Variants in ZNF160 observed in about 807,000 individuals in gnomAD.
The protein encoded by ZNF160 is zinc finger protein 160, also known as KRAB zinc finger protein KR18.
Under a neutral mutation model 13.1 loss-of-function variants are expected in ZNF160, and 9 were observed. The observed-to-expected ratio is 0.69, with a 90% confidence interval of 0.41 to 1.20. The LOEUF is 1.20. Ranked by LOEUF, ZNF160 falls within the 50% of genes most tolerant of loss-of-function variation. The pLI, the probability that ZNF160 is intolerant of heterozygous loss-of-function variation, is 0.01. For missense variants in ZNF160, 838 were observed against 988.0 expected, an observed-to-expected ratio of 0.85 and a Z score of 2.04; for synonymous variants, 293 against 333.2, an observed-to-expected ratio of 0.88 and a Z score of 1.31.
At chr19:53,088,343 G>A (rs2084917455) in intron 2 of ZNF160, among the ~76,000 whole-genome samples, 1 of 152,080 alleles carries the variant, frequency 6.6e-6, no homozygotes, top group Admixed American at 6.5e-5. Flanking sequence ...GGATGTGAAA[G>A]CTAGATTCAA....
rs200847207 is a variant in ZNF160, at chr19:53,077,760, GAT to G, written c.16-2579_16-2578del. Among the ~76,000 whole-genome samples the G allele has an allele frequency of 0.013, 1,987 of 148,348 alleles. 29 individuals are homozygous for G. The Middle Eastern group carries it at 0.16, about 12-fold the overall frequency. ...ACCACAAAGTAATACTAAAGAAGCAGATATATATATATATACATTATCAAAGA... is the reference window on the plus strand; with the variant it reads ...ACCACAAAGTAATACTAAAGAAGCAGATATATATATATACATTATCAAAGA... On this transcript the variant is annotated intron_variant, in intron 3 of 5. Coordinates refer to ENST00000683776, the MANE Select transcript of ZNF160 (RefSeq NM_001322131.2).
At chr19:53,101,912 T>G (rs1050756019) in intron 1 of ZNF160, among the ~76,000 whole-genome samples, 1 of 151,422 alleles carries the variant, frequency 6.6e-6, no homozygotes, top group African/African-American at 2.4e-5. Context: ...ACATTATAAA[T>G]AGAGAAATCA....
rs1416031075 is a variant in ZNF160 at position 53,103,396 on chromosome 19, T to C, written c.-485A>G. ...CACTCATACGCCATGGTGTGATGCTTGCTCCGCACGATCCACTTCCGGGTC... is the reference window on the plus strand; with the variant it reads ...CACTCATACGCCATGGTGTGATGCTCGCTCCGCACGATCCACTTCCGGGTC... On this transcript the variant is annotated 5_prime_UTR_variant, in exon 1 of 6. Coordinates refer to ENST00000683776, the MANE Select transcript of ZNF160 (RefSeq NM_001322131.2). The C allele has an allele frequency of 6.6e-6, 1 of 152,152 alleles. No individual in the cohort carries two copies. The highest frequency in any genetic ancestry group is 1.9e-4 in the East Asian group (1 of 5,164). The allele number at this position is 152,152 out of a possible 1,614,324, so 9.4% of individuals were successfully genotyped here.
At chr19:53,090,171 G>C (rs2084981529) in intron 2 of ZNF160, among the ~76,000 whole-genome samples, 1 of 151,252 alleles carries the variant, frequency 6.6e-6, no homozygotes, top group Non-Finnish European at 1.5e-5. Context: ...GTCCCGTCTT[G>C]CTGTCCCAGC....
In ZNF160 at chr19:53,070,148, A is replaced by C. The variant is rs774610872; in HGVS notation, c.386T>G (p.Phe129Cys). ...ATTTTTCTGGGGTTCCTTGAAGGAA[A>C]AGTCTTCAATGTCAGGGCTTTCGTG... Reference protein sequence around the residue: ...ERHESPDIEDFSFKEPQKNVH... With the variant: ...ERHESPDIEDCSFKEPQKNVH... Residue 129 changes from phenylalanine to cysteine, a missense_variant, in exon 6 of 6, where the codon TTT (phenylalanine) becomes TGT (cysteine). Coordinates refer to ENST00000683776, the MANE Select transcript of ZNF160 (RefSeq NM_001322131.2). 2.5e-6 allele frequency: 4 copies of C among 1,614,126 alleles called. No individual in the cohort carries two copies. In the Admixed American group the frequency reaches 6.7e-5, roughly 27 times the overall value.
At chr19:53,075,828 A>G (rs2084367252) in intron 3 of ZNF160, 1 of 518,856 alleles carries the variant, frequency 1.9e-6, no homozygotes, top group Non-Finnish European at 3.8e-6. Flanking sequence ...TTCACAATTC[A>G]CAGCTGGTCA....
In ZNF160 at chr19:53,068,821, A is replaced by T; in HGVS notation, c.1713T>A (p.Gly571=). The T allele has an allele frequency of 6.2e-7, 1 of 1,612,472 alleles. No homozygotes were observed. The highest frequency in any genetic ancestry group is 8.5e-7 in the Non-Finnish European group (1 of 1,178,854). Residue 571 remains glycine (G), a synonymous_variant, in exon 6 of 6, where the codon GGT becomes GGA. Transcript: ENST00000683776. ...GTTGTGATGTTTGAGCGAAGACTTT[A>T]CCACATTCATTACACTTGTAAGGTT... is the stretch of plus-strand genomic sequence containing the variant. The part of the protein sequence containing the change: ...GEKPYKCNEC[G]KVFAQTSQLA...
Position 53,069,253 on chromosome 19 carries a change from A to G in ZNF160, c.1281T>C (p.Cys427=), listed in dbSNP as rs1362298617. The change falls in exon 6 of 6, where the codon TGT becomes TGC. Residue 427 remains cysteine (C), a synonymous_variant. Transcript: ENST00000683776. The surrounding 1 kb of genome is among the most constrained non-coding windows in gnomAD (Gnocchi z 4.4). ...TIHTGEKPYK[C]NECGKVFRYN... is the part of the protein sequence containing the mutation. ...ACCTAAAGACTTTGCCACATTCATTACATTTGTAAGGTTTTTCTCCAGTGT... is the reference window on the plus strand; with the variant it reads ...ACCTAAAGACTTTGCCACATTCATTGCATTTGTAAGGTTTTTCTCCAGTGT... The G allele has an allele frequency of 1.9e-6, 3 of 1,612,156 alleles. No individual in the cohort carries two copies. Among genetic ancestry groups the G allele is most frequent in the South Asian group, 1.1e-5 (1 of 91,040 alleles).
At chr19:53,078,596 G>C (rs896379180) in intron 3 of ZNF160, among the ~76,000 whole-genome samples, 9 of 151,988 alleles carry the variant, frequency 5.9e-5, no homozygotes, top group Non-Finnish European at 1.5e-5. Context: ...GACAGAGTGA[G>C]ACTGCATGTC....
rs2085041765 is a variant in ZNF160 at position 53,091,659 on chromosome 19, TGGGCTGGGAGCCGG to T, written c.-306_-293del. 1 of 152,242 alleles carries T rather than the reference TGGGCTGGGAGCCGG, an allele frequency of 6.6e-6. No homozygotes were observed. Among genetic ancestry groups the T allele is most frequent in the South Asian group, 2.1e-4 (1 of 4,836 alleles). The allele number at this position is 152,242 out of a possible 1,614,324, so 9.4% of individuals were successfully genotyped here. On this transcript the variant is annotated 5_prime_UTR_variant, in exon 2 of 6. It removes the in-frame stop codon of an upstream open reading frame in the 5' UTR. Coordinates refer to ENST00000683776, the MANE Select transcript of ZNF160 (RefSeq NM_001322131.2). Reference sequence around the variant, plus strand: ...TACCAGCGAGGCTGAAGCCACTCAGTGGGCTGGGAGCCGGGATCTCTCTAGGTCGTCAGGGGGCA... The same window carrying T: ...TACCAGCGAGGCTGAAGCCACTCAGTGATCTCTCTAGGTCGTCAGGGGGCA...
rs192196066 is a variant in ZNF160, at chr19:53,068,037, A to G, written c.*40T>C. On this transcript the variant is annotated 3_prime_UTR_variant, in exon 6 of 6. Coordinates refer to ENST00000683776, the MANE Select transcript of ZNF160 (RefSeq NM_001322131.2). ...ATTCTGTCAAGAATGAAATTAACTG[A>G]TGTGAAAGGAGTGAATTGTACCTAA... 9.8e-5 allele frequency: 152 copies of G among 1,543,958 alleles called. No homozygotes were observed. The African/African-American group carries it at 1.7e-3, about 17-fold the overall frequency.
Position 53,069,540 on chromosome 19 carries a change from G to A in ZNF160, c.994C>T (p.Arg332Trp), listed in dbSNP as rs757419776. ...FRHNSYLATH[R>W]RIHTGEKPYK... ...GGTTTCTCTCCAGTATGAATTCGCC[G>A]ATGAGTTGCAAGGTATGAATTGTGC... Residue 332 changes from arginine to tryptophan, a missense_variant, in exon 6 of 6, where the codon CGG becomes TGG. By Grantham distance (101) the Arg-to-Trp change is moderately radical. Around this residue, in one of 3 missense-constraint regions of ZNF160, gnomAD observed 387 missense variants for 402.3 expected, o/e 0.96. Coordinates refer to ENST00000683776, the MANE Select transcript of ZNF160 (RefSeq NM_001322131.2). The surrounding 1 kb of genome is among the most constrained non-coding windows in gnomAD (Gnocchi z 4.4). The A allele has an allele frequency of 4.0e-5, 65 of 1,614,010 alleles. No individual in the cohort carries two copies. Among genetic ancestry groups the A allele is most frequent in the Non-Finnish European group, 4.7e-5 (55 of 1,180,038 alleles).
Position 53,067,841 on chromosome 19 carries a change from T to C in ZNF160, c.*236A>G, listed in dbSNP as rs983313757. 1 of 478,326 alleles carries C rather than the reference T, an allele frequency of 2.1e-6. No individual in the cohort carries two copies. The highest frequency in any genetic ancestry group is 3.6e-6 in the Non-Finnish European group (1 of 277,856). The allele number at this position is 478,326 out of a possible 1,614,324, so 29.6% of individuals were successfully genotyped here. On this transcript the variant is annotated 3_prime_UTR_variant, in exon 6 of 6. Transcript: ENST00000683776. Reference sequence around the variant, plus strand: ...CTGGGTAATGGCCTCAGGATGCATATTACATTTGTTTCGTTTCATCAAAGA... The same window carrying C: ...CTGGGTAATGGCCTCAGGATGCATACTACATTTGTTTCGTTTCATCAAAGA...
In ZNF160 at chr19:53,067,803, T is replaced by C. The variant is rs567575660; in HGVS notation, c.*274A>G. 5 of 353,130 alleles carry C rather than the reference T, an allele frequency of 1.4e-5. No homozygotes were observed. In the Admixed American group the frequency reaches 2.1e-4, roughly 15 times the overall value. The allele number at this position is 353,130 out of a possible 1,614,324, so 21.9% of individuals were successfully genotyped here. A position where few individuals can be genotyped will look rare whatever the true frequency, so the allele number is the denominator to read the frequency against. ...TGTTATTCCTCCTAGGAATCCTCACTTACCATCGGTCACTGGGTAATGGCC... is the reference window on the plus strand; with the variant it reads ...TGTTATTCCTCCTAGGAATCCTCACCTACCATCGGTCACTGGGTAATGGCC... On this transcript the variant is annotated 3_prime_UTR_variant, in exon 6 of 6. Transcript: ENST00000683776.
rs1156348983 is a variant in ZNF160 at position 53,073,528 on chromosome 19, G to A, written c.271+612C>T. ...AGCAGGTCTTCCACGCACAGGAAAT[G>A]GGGTGGAACATAAACAGGTCTAGAC... On this transcript the variant is annotated intron_variant, in intron 5 of 5. Coordinates refer to ENST00000683776, the MANE Select transcript of ZNF160 (RefSeq NM_001322131.2). 4 of 1,591,288 alleles carry A rather than the reference G, an allele frequency of 2.5e-6. No homozygotes were observed. In the African/African-American group the frequency reaches 5.4e-5, roughly 21 times the overall value.
In ZNF160 at chr19:53,087,377, T is replaced by C. The variant is rs138616824; in HGVS notation, c.-45-1056A>G. 9.2e-5 allele frequency among the ~76,000 whole-genome samples: 14 copies of C among 152,322 alleles called. No homozygotes were observed. In the East Asian group the frequency reaches 2.5e-3, roughly 27 times the overall value. On this transcript the variant is annotated intron_variant, in intron 2 of 5. Coordinates refer to ENST00000683776, the MANE Select transcript of ZNF160 (RefSeq NM_001322131.2). Reference sequence around the variant, plus strand: ...TCACCTGTTTTAAGTAAATGCTTAATTTTTTCTTCATTTTACAAAGTAACA... The same window carrying C: ...TCACCTGTTTTAAGTAAATGCTTAACTTTTTCTTCATTTTACAAAGTAACA...
At chr19:53,094,644 C>T (rs2145956973) in intron 1 of ZNF160, among the ~76,000 whole-genome samples, 1 of 152,208 alleles carries the variant, frequency 6.6e-6, no homozygotes, top group Middle Eastern at 3.4e-3. Context: ...ATTAAGTGGC[C>T]CAGTACCATT....
Position 53,069,442 on chromosome 19 carries a change from A to C in ZNF160, c.1092T>G (p.Thr364=). Residue 364 remains threonine, a synonymous_variant, in exon 6 of 6, where the codon ACT becomes ACG. Transcript: ENST00000683776. The surrounding 1 kb of genome is among the most constrained non-coding windows in gnomAD (Gnocchi z 4.4). ...SNLTTHQLIH[T]GEKPFKCNEC... ...CATTACATTTGAACGGTTTTTCTCC[A>C]GTATGAATTAACTGATGGGTAGTTA... 6.2e-7 allele frequency: 1 copy of C among 1,614,120 alleles called. No homozygotes were observed. The highest frequency in any genetic ancestry group is 1.7e-5 in the Admixed American group (1 of 60,020).
Position 53,069,176 on chromosome 19 carries a change from T to C in ZNF160, c.1358A>G (p.Tyr453Cys). The C allele has an allele frequency of 6.2e-7, 1 of 1,614,144 alleles. No individual in the cohort carries two copies. Among genetic ancestry groups the C allele is most frequent in the South Asian group, 1.1e-5 (1 of 91,076 alleles). The change falls in exon 6 of 6, where the codon TAC becomes TGC. Residue 453 changes from tyrosine (Y) to cysteine (C), a missense_variant. Coordinates refer to ENST00000683776, the MANE Select transcript of ZNF160 (RefSeq NM_001322131.2). The surrounding 1 kb of genome is among the most constrained non-coding windows in gnomAD (Gnocchi z 4.4). ...GGCTTTGCCACATTCATTACACTTG[T>C]AAGGTTTCTCACCAGTATGAACTCT... ...HRRVHTGEKP[Y>C]KCNECGKAFS... is the part of the protein sequence containing the mutation.
Sources: gnomAD v4.1 joint callset for allele counts (sites outside exome capture counted in the v4.1 genomes callset) on GRCh38, gnomAD v4.1.1 for gene constraint, gnomAD v4.1.1 regional missense constraint, Gnocchi (gnomAD v3.1) non-coding constraint, MANE v1.5 for transcripts, NCBI Gene and HGNC (gene_info 2026-07-23, HGNC 2026-07-21) for gene names.